The following TMCC3 variants were observed in gnomAD, a reference collection of about 807,000 sequenced individuals.
TMCC3 encodes the protein transmembrane and coiled-coil domain protein 3.
Under a neutral mutation model 40.2 loss-of-function variants are expected in TMCC3, and 28 were observed. The observed-to-expected ratio is 0.70, with a 90% CI of 0.52 to 0.95. The LOEUF is 0.95. Among genes scored for constraint, TMCC3 ranks in the 40% least tolerant of loss-of-function variants. The probability of loss-of-function intolerance (pLI) is 0.00; values close to 1 mark genes in which losing one functional copy is unlikely to be tolerated. For synonymous variants in TMCC3, 255 were observed against 248.5 expected, an observed-to-expected ratio of 1.03 and a Z score of -0.25; for missense variants, 554 against 615.2, an observed-to-expected ratio of 0.90 and a Z score of 1.05.
chr12:94,615,746 T>C (rs2068844290), intron 1 of TMCC3, among the ~76,000 whole-genome samples: 1 of 152,200 alleles, frequency 6.6e-6, no homozygotes, highest in Non-Finnish European at 1.5e-5. Flanking sequence ...AGTTTAAGTA[T>C]CTAGAAACCA....
chr12:94,626,920 G>C (rs1226983147), intron 1 of TMCC3, among the ~76,000 whole-genome samples: 5 of 152,184 alleles, frequency 3.3e-5, no homozygotes, highest in Non-Finnish European at 7.3e-5. Context: ...GAGTGCAGTG[G>C]TGTGATCTTG....
At chr12:94,638,437 G>T (rs977898380) in intron 1 of TMCC3, among the ~76,000 whole-genome samples, 1 of 152,156 alleles carries the variant, frequency 6.6e-6, no homozygotes, top group African/African-American at 2.4e-5. Context: ...CCCCTCTCAA[G>T]CATCTTCACA....
intron 1 of TMCC3, chr12:94,591,185 C>G (rs915731806): frequency 2.7e-5 from 7 of 256,290 alleles, no homozygotes; most frequent in Non-Finnish European, 3.1e-5. Context: ...TCTAAATGTA[C>G]AAGGCATTCA....
chr12:94,634,930 A>G (rs1264279350), intron 1 of TMCC3, among the ~76,000 whole-genome samples: 1 of 152,262 alleles, frequency 6.6e-6, no homozygotes, highest in East Asian at 1.9e-4. Context: ...TGTAAATAGC[A>G]TATTCATTCC....
rs751883404 is a variant in TMCC3, at chr12:94,650,468, G to C, written c.-38C>G. On this transcript the variant is annotated 5_prime_UTR_variant, in exon 1 of 4. Coordinates refer to ENST00000261226, the MANE Select transcript of TMCC3 (RefSeq NM_020698.4). ...GCCGCGAACTTTCCCGTCTTCTGGG[G>C]CTGCCGCGCCGCGAGCCACCGGCTG... 3 of 1,244,752 alleles carry C rather than the reference G, an allele frequency of 2.4e-6. No individual in the cohort carries two copies. The East Asian group carries it at 1.0e-4, about 42-fold the overall frequency. The allele number at this position is 1,244,752 out of a possible 1,614,324, so 77.1% of individuals were successfully genotyped here. A position where few individuals can be genotyped will look rare whatever the true frequency, so the allele number is the denominator to read the frequency against.
chr12:94,600,748 T>G (rs1466603902), intron 1 of TMCC3, among the ~76,000 whole-genome samples: 1 of 152,204 alleles, frequency 6.6e-6, no homozygotes, highest in African/African-American at 2.4e-5. Flanking sequence ...ATGAGGCCTT[T>G]CCAAAGGACT....
At chr12:94,583,031 C>T (rs1011547623) in intron 1 of TMCC3, among the ~76,000 whole-genome samples, 13 of 142,134 alleles carry the variant, frequency 9.1e-5, no homozygotes, top group South Asian at 4.6e-4. Flanking sequence ...GAAAAAGATA[C>T]GAGCAGGTAC....
intron 1 of TMCC3, 43 bp downstream of exon 1, chr12:94,650,310 C>T: frequency 1.7e-6 from 2 of 1,202,484 alleles, no homozygotes; most frequent in African/African-American, 3.2e-5. Context: ...GCCTCGCCCC[C>T]GGGCCCGCGC....
rs549910166 is a variant in TMCC3 at position 94,581,948 on chromosome 12, C to G, written c.669G>C (p.Leu223Phe). 491 of 1,614,246 alleles carry G rather than the reference C, an allele frequency of 3.0e-4. 8 individuals carry two copies. In the South Asian group the frequency reaches 5.1e-3, roughly 17 times the overall value. ...GCCTAAACTCCTCTAAGGAATTTTTCAAGTGAGCAATGTTGTCGGCGCTGC... is the reference window on the plus strand; with the variant it reads ...GCCTAAACTCCTCTAAGGAATTTTTGAAGTGAGCAATGTTGTCGGCGCTGC... ...KFGSADNIAHLKNSLEEFRPE... is the reference protein window; with the variant it reads ...KFGSADNIAHFKNSLEEFRPE... Residue 223 changes from leucine to phenylalanine, a missense_variant, in exon 2 of 4, where the codon TTG becomes TTC. Leu to Phe is a conservative substitution (Grantham distance 22). Coordinates refer to ENST00000261226, the MANE Select transcript of TMCC3 (RefSeq NM_020698.4).
chr12:94,596,612 A>C (rs570477771), intron 1 of TMCC3, among the ~76,000 whole-genome samples: 1 of 152,274 alleles, frequency 6.6e-6, no homozygotes, highest in East Asian at 1.9e-4. Flanking sequence ...TTTGAATAAC[A>C]CATTTGTTCC....
chr12:94,574,173 A>C (rs955831756), intron 3 of TMCC3, among the ~76,000 whole-genome samples: 1 of 152,182 alleles, frequency 6.6e-6, no homozygotes, highest in Non-Finnish European at 1.5e-5. Flanking sequence ...ACTTGAGATC[A>C]GGAGTTCAAG....
chr12:94,628,466 C>T (rs2068915280), intron 1 of TMCC3, among the ~76,000 whole-genome samples: 1 of 152,216 alleles, frequency 6.6e-6, no homozygotes, highest in Non-Finnish European at 1.5e-5. Flanking sequence ...CTACCAATGA[C>T]AGGCACACGG....
At chr12:94,640,892 T>C (rs2068986816) in intron 1 of TMCC3, among the ~76,000 whole-genome samples, 1 of 152,168 alleles carries the variant, frequency 6.6e-6, no homozygotes, top group Non-Finnish European at 1.5e-5. Context: ...AGACAGATGA[T>C]CGACATTTAA....
At chr12:94,645,034 C>T (rs1192981001) in intron 1 of TMCC3, among the ~76,000 whole-genome samples, 3 of 152,064 alleles carry the variant, frequency 2.0e-5, no homozygotes, top group Non-Finnish European at 4.4e-5. Context: ...GGGTATTGTC[C>T]GGAACCACAA....
intron 1 of TMCC3, among the ~76,000 whole-genome samples, chr12:94,643,973 G>T (rs2069004498): frequency 6.6e-6 from 1 of 152,234 alleles, no homozygotes; most frequent in African/African-American, 2.4e-5. Context: ...TATTGTGGAA[G>T]ACCAAGGAGA....
intron 1 of TMCC3, chr12:94,613,744 T>C (rs1001343067): frequency 6.6e-6 from 1 of 152,104 alleles, no homozygotes; most frequent in Admixed American, 6.5e-5. Flanking sequence ...GTTTCATGTA[T>C]TTTTTAATGG....
intron 1 of TMCC3, among the ~76,000 whole-genome samples, chr12:94,591,256 G>A (rs1203030826): frequency 1.3e-5 from 2 of 152,134 alleles, no homozygotes; most frequent in African/African-American, 4.8e-5. Flanking sequence ...TCCCACTCCT[G>A]AAATGAATTG....
chr12:94,615,666 C>T (rs1341628949), intron 1 of TMCC3, among the ~76,000 whole-genome samples: 7 of 152,188 alleles, frequency 4.6e-5, no homozygotes, highest in Admixed American at 3.9e-4. Context: ...TGTTAAATCA[C>T]TCACACTGGA....
intron 1 of TMCC3, among the ~76,000 whole-genome samples, chr12:94,639,694 C>CACACAT (rs1258345329): frequency 1.4e-4 from 20 of 148,060 alleles, no homozygotes; most frequent in African/African-American, 5.0e-4. Flanking sequence ...CACACACACA[C>CACACAT]ACACACACAC....
Sources: gnomAD v4.1 joint callset for allele counts (sites outside exome capture counted in the v4.1 genomes callset) on GRCh38, gnomAD v4.1.1 for gene constraint, MANE v1.5 for transcripts, NCBI Gene and HGNC (gene_info 2026-07-23, HGNC 2026-07-21) for gene names.